The following ATP6V1H variants were observed in gnomAD, a reference collection of about 807,000 sequenced individuals.
ATP6V1H encodes the protein V-type proton ATPase subunit H.
ATP6V1H carries 39 observed loss-of-function variants against 71.7 expected under a neutral mutation model. That is an observed-to-expected ratio of 0.54 (90% CI 0.42 to 0.71). The LOEUF (loss-of-function observed/expected upper bound fraction) is 0.71, where lower values mean the gene tolerates loss of function less well. ATP6V1H is among the 30% of genes least tolerant of loss of function. The pLI is 0.00. For synonymous variants in ATP6V1H, 192 were observed against 199.3 expected, an observed-to-expected ratio of 0.96 and a Z score of 0.31; for missense variants, 509 against 594.9, an observed-to-expected ratio of 0.86 and a Z score of 1.50.
chr8:53,787,936 A>G lies in ATP6V1H; in HGVS notation c.870+7711T>C, dbSNP rs187867140. Among the ~76,000 whole-genome samples, 43 of 152,324 alleles carry G rather than the reference A, an allele frequency of 2.8e-4. No individual in the cohort carries two copies. The East Asian group carries it at 8.1e-3, about 29-fold the overall frequency. ...CACAGTAGCTCAGCAAGTTTTCTAA[A>G]GCCTCCCACAAAAAAAAAATTTCCC... On this transcript the variant is annotated intron_variant, in intron 9 of 13. Coordinates refer to ENST00000359530, the MANE Select transcript of ATP6V1H (RefSeq NM_015941.4).
intron 9 of ATP6V1H, among the ~76,000 whole-genome samples, chr8:53,790,107 G>C (rs989171460): frequency 1.3e-5 from 2 of 152,014 alleles, no homozygotes; most frequent in African/African-American, 4.8e-5. Flanking sequence ...CAGAAAACAG[G>C]GACCCTCTCT....
intron 6 of ATP6V1H, among the ~76,000 whole-genome samples, chr8:53,812,616 T>A (rs1282312478): frequency 6.6e-6 from 1 of 152,262 alleles, no homozygotes; most frequent in East Asian, 1.9e-4. Context: ...ATTTTCATTT[T>A]ATGAATTCAG....
At chr8:53,717,360 G>A (rs1022743962) in intron 13 of ATP6V1H, among the ~76,000 whole-genome samples, 4 of 152,152 alleles carry the variant, frequency 2.6e-5, no homozygotes, top group South Asian at 2.1e-4. Flanking sequence ...GAAGTGTCAC[G>A]CACCACTCCC....
At chr8:53,797,833 T>C (rs779774882) in intron 8 of ATP6V1H, among the ~76,000 whole-genome samples, 40 of 152,048 alleles carry the variant, frequency 2.6e-4, no homozygotes, top group Middle Eastern at 6.8e-3. Flanking sequence ...ACCCCATCTC[T>C]ATCAAAAAAA....
rs547078517 is a variant in ATP6V1H at position 53,837,504 on chromosome 8, A to C, written c.113+4074T>G. On this transcript the variant is annotated intron_variant, in intron 2 of 13. Transcript: ENST00000359530. ...GCTGTAAATGCTATGGAAAAAAAAA[A>C]AAAACCAGTCCGGGTAGGGGGCTTG... Among the ~76,000 whole-genome samples the C allele has an allele frequency of 3.3e-5, 5 of 152,178 alleles. No individual in the cohort carries two copies. The South Asian group carries it at 8.3e-4, about 25-fold the overall frequency.
chr8:53,776,787 C>G (rs1433918247), intron 9 of ATP6V1H, among the ~76,000 whole-genome samples: 2 of 152,034 alleles, frequency 1.3e-5, no homozygotes, highest in Non-Finnish European at 2.9e-5. Context: ...TTAAAGTAAA[C>G]ATTACGACTA....
In ATP6V1H at chr8:53,840,959, A is replaced by AG. The variant is rs1472606769; in HGVS notation, c.113+618dup. 3.3e-5 allele frequency among the ~76,000 whole-genome samples: 5 copies of AG among 152,316 alleles called. No homozygotes were observed. In the East Asian group the frequency reaches 9.6e-4, roughly 29 times the overall value. On this transcript the variant is annotated intron_variant, in intron 2 of 13. Transcript: ENST00000359530. Reference sequence around the variant, plus strand: ...TAAATATTAATACATACAAGAAAGAAGGGGGAACTAAAATGTATTGTATTC... The same window carrying AG: ...TAAATATTAATACATACAAGAAAGAAGGGGGGAACTAAAATGTATTGTATTC...
intron 13 of ATP6V1H, among the ~76,000 whole-genome samples, chr8:53,735,823 T>A (rs1182458445): frequency 6.6e-6 from 1 of 152,246 alleles, no homozygotes; most frequent in African/African-American, 2.4e-5. Context: ...GGCCCTATAC[T>A]GTAATCTTGT....
intron 8 of ATP6V1H, among the ~76,000 whole-genome samples, chr8:53,801,405 C>A (rs1413494151): frequency 1.3e-5 from 2 of 152,178 alleles, no homozygotes; most frequent in Non-Finnish European, 2.9e-5. Context: ...TCTATACCTG[C>A]AAATTAGGAT....
intron 12 of ATP6V1H, among the ~76,000 whole-genome samples, chr8:53,753,812 A>G (rs2130239270): frequency 6.6e-6 from 1 of 152,332 alleles, no homozygotes; most frequent in Non-Finnish European, 1.5e-5. Flanking sequence ...AATTTTGGAC[A>G]GCTCTTGATA....
chr8:53,797,686 AT>A (rs1052694699), intron 8 of ATP6V1H, among the ~76,000 whole-genome samples: 142 of 147,172 alleles, frequency 9.6e-4, no homozygotes, highest in East Asian at 2.8e-3. Flanking sequence ...CTCAAGAGTC[AT>A]TTTTTTTTTT....
intron 11 of ATP6V1H, among the ~76,000 whole-genome samples, chr8:53,769,364 G>C (rs1808572468): frequency 1.3e-5 from 2 of 152,070 alleles, no homozygotes; most frequent in Admixed American, 6.5e-5. Flanking sequence ...ATATATATAT[G>C]AGACAACAAC....
chr8:53,836,736 C>G (rs980297797), intron 2 of ATP6V1H, among the ~76,000 whole-genome samples: 4 of 152,190 alleles, frequency 2.6e-5, no homozygotes, highest in Non-Finnish European at 5.9e-5. Flanking sequence ...CTAGCACTTA[C>G]GCAGAGGCAT....
At chr8:53,762,830 A>G (rs1808320823) in intron 11 of ATP6V1H, among the ~76,000 whole-genome samples, 1 of 150,018 alleles carries the variant, frequency 6.7e-6, no homozygotes, top group Non-Finnish European at 1.5e-5. Flanking sequence ...CCACTTACAC[A>G]TGGATTTTCT....
intron 13 of ATP6V1H, among the ~76,000 whole-genome samples, chr8:53,724,018 T>C (rs1273478829): frequency 6.6e-6 from 1 of 152,270 alleles, no homozygotes; most frequent in Non-Finnish European, 1.5e-5. Context: ...ATTTACTATT[T>C]TCTAAGTAAG....
intron 4 of ATP6V1H, among the ~76,000 whole-genome samples, chr8:53,819,696 A>C (rs1294453303): frequency 8.2e-6 from 1 of 122,242 alleles, no homozygotes; most frequent in African/African-American, 3.7e-5. Context: ...AAATGTATAT[A>C]TGTATATACG....
rs181301928 is a variant in ATP6V1H, at chr8:53,830,096, T to C, written c.217-563A>G. On this transcript the variant is annotated intron_variant, in intron 3 of 13. Transcript: ENST00000359530. ...TCCTTCAGCCAATGAGGCCCCCCGA[T>C]AGGCAGCAGAATTGAACCTTATTAT... Among the ~76,000 whole-genome samples the C allele has an allele frequency of 2.3e-3, 344 of 152,292 alleles. 1 individual carries two copies. The highest frequency in any genetic ancestry group is 7.9e-3 in the African/African-American group (327 of 41,542).
Position 53,795,303 on chromosome 8 carries a change from C to T in ATP6V1H, c.870+344G>A, listed in dbSNP as rs1356171844. Among the ~76,000 whole-genome samples the T allele has an allele frequency of 2.0e-5, 3 of 152,248 alleles. No homozygotes were observed. The East Asian group carries it at 5.8e-4, about 29-fold the overall frequency. On this transcript the variant is annotated intron_variant, in intron 9 of 13. Coordinates refer to ENST00000359530, the MANE Select transcript of ATP6V1H (RefSeq NM_015941.4). ...TAGATCCAGAACCTGAAACACAACTCCATACTAACATACATGCTCCATAAG... is the reference window on the plus strand; with the variant it reads ...TAGATCCAGAACCTGAAACACAACTTCATACTAACATACATGCTCCATAAG...
intron 12 of ATP6V1H, among the ~76,000 whole-genome samples, chr8:53,745,006 G>A (rs1308784437): frequency 1.3e-5 from 2 of 152,048 alleles, no homozygotes; most frequent in African/African-American, 2.4e-5. Flanking sequence ...CTGCTCTCCC[G>A]CCTCCCATTC....
Sources: gnomAD v4.1 joint callset for allele counts (sites outside exome capture counted in the v4.1 genomes callset) on GRCh38, gnomAD v4.1.1 for gene constraint, MANE v1.5 for transcripts, NCBI Gene and HGNC (gene_info 2026-07-23, HGNC 2026-07-21) for gene names.